SKAP1: variants seen among roughly 807,000 people sequenced by gnomAD.
SKAP1 encodes the protein src kinase-associated phosphoprotein 1.
In SKAP1, 44 loss-of-function variants were observed where a neutral mutation model predicts 58.5. The ratio of observed to expected loss-of-function variants is 0.75; its 90% CI spans 0.59 to 0.97. The LOEUF is 0.97. Among genes scored for constraint, SKAP1 ranks in the 50% least tolerant of loss-of-function variants. SKAP1 has a pLI of 0.00. For synonymous variants in SKAP1, 127 were observed against 149.7 expected (o/e 0.85, Z 1.11); for missense variants, 390 against 435.2 (o/e 0.90, Z 0.92).
At chr17:48,314,009 T>C (rs2066257989) in intron 4 of SKAP1, among the ~76,000 whole-genome samples, 1 of 152,210 alleles carries the variant, frequency 6.6e-6, no homozygotes. Context: ...ACTTTATGAG[T>C]TGACTTTAAA....
chr17:48,207,485 C>CA (rs11367185), intron 4 of SKAP1, among the ~76,000 whole-genome samples: 101 of 103,592 alleles, frequency 9.7e-4, no homozygotes, highest in African/African-American at 1.6e-3. Context: ...GACTCTGTCT[C>CA]AAAAAAAAAA....
intron 1 of SKAP1, among the ~76,000 whole-genome samples, chr17:48,407,131 A>T (rs2067596449): frequency 6.6e-6 from 1 of 152,230 alleles, no homozygotes; most frequent in African/African-American, 2.4e-5. Flanking sequence ...GAAACTCAAA[A>T]ATTATAATTA....
chr17:48,291,945 C>T (rs2065902696), intron 4 of SKAP1, among the ~76,000 whole-genome samples: 1 of 151,916 alleles, frequency 6.6e-6, no homozygotes, highest in Non-Finnish European at 1.5e-5. Flanking sequence ...ATTTGTGTTC[C>T]TGCAGAAAGC....
At chr17:48,302,472 TC>T (rs1178621261) in intron 4 of SKAP1, among the ~76,000 whole-genome samples, 1 of 152,216 alleles carries the variant, frequency 6.6e-6, no homozygotes, top group Non-Finnish European at 1.5e-5. Context: ...AGTTTCCTTC[TC>T]CCCTCCATTT....
At chr17:48,199,893 C>T (rs1033838985) in intron 4 of SKAP1, among the ~76,000 whole-genome samples, 3 of 151,976 alleles carry the variant, frequency 2.0e-5, no homozygotes, top group Non-Finnish European at 2.9e-5. Context: ...AATGGGGAAA[C>T]GAAGTTGCAT....
At chr17:48,211,608 C>A (rs2032816883) in intron 4 of SKAP1, among the ~76,000 whole-genome samples, 1 of 152,200 alleles carries the variant, frequency 6.6e-6, no homozygotes, top group South Asian at 2.1e-4. Context: ...CTCCCAATAA[C>A]ATATTTAAAT....
intron 4 of SKAP1, among the ~76,000 whole-genome samples, chr17:48,310,156 C>T (rs1033771208): frequency 1.3e-4 from 20 of 152,194 alleles, no homozygotes; most frequent in African/African-American, 4.8e-4. Flanking sequence ...CAGTTCCAGA[C>T]ATCAGTTAAC....
At chr17:48,281,765 A>G (rs1213279642) in intron 4 of SKAP1, among the ~76,000 whole-genome samples, 1 of 152,210 alleles carries the variant, frequency 6.6e-6, no homozygotes, top group Admixed American at 6.5e-5. Context: ...TATAAAATCA[A>G]TGAGAAAATA....
At chr17:48,402,879 G>A (rs1260474363) in intron 1 of SKAP1, among the ~76,000 whole-genome samples, 3 of 152,158 alleles carry the variant, frequency 2.0e-5, no homozygotes, top group African/African-American at 7.2e-5. Context: ...GATCTAAAGA[G>A]ACAGAAAGTA....
At chr17:48,138,894 A>ATTT (rs200111005) in intron 11 of SKAP1, among the ~76,000 whole-genome samples, 256 of 149,742 alleles carry the variant, frequency 1.7e-3, no homozygotes, top group African/African-American at 4.4e-3. Context: ...TGAAAAAAAA[A>ATTT]TTTTTTTTTT....
intron 9 of SKAP1, among the ~76,000 whole-genome samples, chr17:48,176,096 T>C (rs1337746618): frequency 6.6e-6 from 1 of 152,212 alleles, no homozygotes; most frequent in Non-Finnish European, 1.5e-5. Context: ...TCCATTTGAC[T>C]CAAAATTTTA....
chr17:48,225,210 C>T (rs916599161), intron 4 of SKAP1, among the ~76,000 whole-genome samples: 29 of 152,118 alleles, frequency 1.9e-4, no homozygotes, highest in African/African-American at 6.8e-4. Flanking sequence ...AATGAGTTAA[C>T]GGCTGTCCCA....
At position 48,174,819 on chromosome 17, in the gene SKAP1, G is replaced by C. The variant is rs554627983; in HGVS notation, c.827-4160C>G. ...TTATAATGGTCCTTGCTCCTAACAG[G>C]GCATATGGGACCCCAACCTTACATA... On this transcript the variant is annotated intron_variant, in intron 9 of 12. Coordinates refer to ENST00000336915, the MANE Select transcript of SKAP1 (RefSeq NM_003726.4). 3.3e-5 allele frequency among the ~76,000 whole-genome samples: 5 copies of C among 152,180 alleles called. No homozygotes were observed. In the East Asian group the frequency reaches 9.6e-4, roughly 29 times the overall value.
At chr17:48,271,677 AT>A (rs981209347) in intron 4 of SKAP1, among the ~76,000 whole-genome samples, 1 of 151,426 alleles carries the variant, frequency 6.6e-6, no homozygotes, top group African/African-American at 2.4e-5. Context: ...TTGTTTCTTG[AT>A]TTTTTTTCTC....
intron 4 of SKAP1, among the ~76,000 whole-genome samples, chr17:48,282,846 G>A (rs919608752): frequency 2.0e-5 from 3 of 151,110 alleles, no homozygotes; most frequent in Non-Finnish European, 2.9e-5. Flanking sequence ...GCACATTTTT[G>A]TGCTCCTCTG....
intron 3 of SKAP1, among the ~76,000 whole-genome samples, chr17:48,363,498 T>G (rs1236889329): frequency 6.6e-6 from 1 of 152,238 alleles, no homozygotes. Flanking sequence ...TGAATGCTAC[T>G]GGATCCTGTT....
intron 4 of SKAP1, among the ~76,000 whole-genome samples, chr17:48,250,212 T>G (rs939130618): frequency 1.4e-5 from 2 of 147,108 alleles, no homozygotes; most frequent in Non-Finnish European, 3.0e-5. Flanking sequence ...CATTTTAATA[T>G]AAAACATATT....
chr17:48,314,617 G>A (rs528686591), intron 4 of SKAP1, among the ~76,000 whole-genome samples: 127 of 152,228 alleles, frequency 8.3e-4, no homozygotes, highest in African/African-American at 2.8e-3. Context: ...ACATTTTATG[G>A]TGTCAATTGT....
chr17:48,202,763 C>T (rs2064745170), intron 4 of SKAP1, among the ~76,000 whole-genome samples: 1 of 152,090 alleles, frequency 6.6e-6, no homozygotes, highest in South Asian at 2.1e-4. Context: ...TAAGGGCTCA[C>T]ACTCAGCAAA....
Sources: allele counts gnomAD v4.1 joint callset (sites outside exome capture counted in the v4.1 genomes callset), GRCh38; gene constraint gnomAD v4.1.1; transcripts MANE v1.5; gene names NCBI Gene and HGNC (gene_info 2026-07-23, HGNC 2026-07-21).